Variants in TMTC1 observed in about 807,000 individuals in gnomAD.
TMTC1 encodes protein O-mannosyl-transferase TMTC1.
TMTC1 carries 73 observed loss-of-function variants against 104.8 expected under a neutral mutation model. That is an observed-to-expected ratio of 0.70 (90% confidence interval 0.58 to 0.85). The LOEUF is 0.85. Among genes scored for constraint, TMTC1 ranks in the 40% least tolerant of loss-of-function variants. The pLI is 0.00. For synonymous variants in TMTC1, 434 were observed against 428.7 expected (o/e 1.01, Z -0.15); for missense variants, 1,035 against 1,096.1 (o/e 0.94, Z 0.79).
chr12:29,509,598 A>AAT (rs1419028010), intron 17 of TMTC1, among the ~76,000 whole-genome samples: 2 of 152,210 alleles, frequency 1.3e-5, no homozygotes, highest in African/African-American at 4.8e-5. Flanking sequence ...TCTGCATTCT[A>AAT]ATAGTGGCAT....
intron 2 of TMTC1, 129 bp from the exon 3 acceptor site, chr12:29,758,906 GTTC>G (rs1359941077): frequency 1.5e-5 from 11 of 750,436 alleles, no homozygotes; most frequent in African/African-American, 1.8e-5. Flanking sequence ...AAATCTCACT[GTTC>G]TTCAAGTTCT....
Position 29,755,843 on chromosome 12 carries a change from C to CGTGGAAGG in TMTC1, c.589_596dup (p.Val200LeufsTer22). On this transcript the variant is annotated frameshift_variant, in exon 4 of 18. Transcript: ENST00000539277. LOFTEE classifies it high-confidence loss of function. ...TGAGCAGCAAGAAGAAGGGAGACAC[C>CGTGGAAGG]GTGGAAGGGAAACTTCCCCCAACAC... The CGTGGAAGG allele has an allele frequency of 6.2e-7, 1 of 1,614,098 alleles. No homozygotes were observed. The highest frequency in any genetic ancestry group is 8.5e-7 in the Non-Finnish European group (1 of 1,180,000).
chr12:29,656,137 CAGTCCACTTTA>C (rs1246515224), intron 5 of TMTC1, among the ~76,000 whole-genome samples: 2 of 152,020 alleles, frequency 1.3e-5, no homozygotes, highest in Non-Finnish European at 2.9e-5. Flanking sequence ...CAGACCAAGA[CAGTCCACTTTA>C]AGAATCACCA....
intron 5 of TMTC1, chr12:29,659,809 C>G: frequency 8.5e-7 from 1 of 1,174,288 alleles, no homozygotes; most frequent in Admixed American, 2.4e-5. Context: ...TATGCAAAGT[C>G]AGCCTGTAAT....
At chr12:29,640,341 G>A (rs541578184) in intron 5 of TMTC1, among the ~76,000 whole-genome samples, 1 of 152,258 alleles carries the variant, frequency 6.6e-6, no homozygotes, top group East Asian at 1.9e-4. Context: ...AGCAGCGAGG[G>A]GGGGCTCACA....
chr12:29,595,581 G>C (rs141203366), intron 7 of TMTC1, among the ~76,000 whole-genome samples: 92 of 152,306 alleles, frequency 6.0e-4, no homozygotes, highest in Middle Eastern at 3.4e-3. Flanking sequence ...CTCAAGAGCA[G>C]CTCTCTCTGG....
chr12:29,576,340 G>A (rs1592258872), intron 8 of TMTC1, among the ~76,000 whole-genome samples: 1 of 152,218 alleles, frequency 6.6e-6, no homozygotes, highest in Non-Finnish European at 1.5e-5. Context: ...CAATGTCAAG[G>A]AGCTTTCCCC....
chr12:29,727,047 G>C (rs1942412373), intron 5 of TMTC1, among the ~76,000 whole-genome samples: 1 of 152,154 alleles, frequency 6.6e-6, no homozygotes, highest in South Asian at 2.1e-4. Context: ...AACTTCAAAT[G>C]CAATTATTAA....
intron 9 of TMTC1, among the ~76,000 whole-genome samples, chr12:29,570,132 A>C (rs1945626755): frequency 6.6e-6 from 1 of 151,812 alleles, no homozygotes; most frequent in African/African-American, 2.4e-5. Context: ...AGGCAAACTT[A>C]CTGCCCTTTT....
chr12:29,688,404 C>A (rs1941162631), intron 5 of TMTC1, among the ~76,000 whole-genome samples: 1 of 152,188 alleles, frequency 6.6e-6, no homozygotes, highest in East Asian at 1.9e-4. Flanking sequence ...TAATTTGGAT[C>A]CTATGCAACT....
intron 5 of TMTC1, among the ~76,000 whole-genome samples, chr12:29,651,902 C>CA (rs34170602): frequency 0.24 from 34,901 of 142,996 alleles, 3,983 homozygotes; most frequent in Middle Eastern, 0.3. Flanking sequence ...AAAACTTGCC[C>CA]AAAAAAAAAA....
intron 5 of TMTC1, among the ~76,000 whole-genome samples, chr12:29,693,872 A>G (rs1444514407): frequency 6.6e-6 from 1 of 152,198 alleles, no homozygotes; most frequent in Non-Finnish European, 1.5e-5. Context: ...AGATGTTATA[A>G]TTTAGTTCTC....
intron 5 of TMTC1, chr12:29,660,867 G>T: frequency 1.3e-6 from 2 of 1,502,498 alleles, no homozygotes; most frequent in South Asian, 1.3e-5. Flanking sequence ...AATTTCTATT[G>T]CTGCTTGCTC....
chr12:29,627,357 G>T (rs1938054738), intron 6 of TMTC1, among the ~76,000 whole-genome samples: 1 of 152,186 alleles, frequency 6.6e-6, no homozygotes, highest in Admixed American at 6.5e-5. Flanking sequence ...ATGAAAGGAT[G>T]CTCAACTTCA....
At chr12:29,522,432 T>C (rs572212953) in intron 11 of TMTC1, among the ~76,000 whole-genome samples, 18 of 152,286 alleles carry the variant, frequency 1.2e-4, no homozygotes, top group Admixed American at 1.1e-3. Flanking sequence ...TGTTTTTTAA[T>C]TGCCAAACTC....
chr12:29,603,808 T>C (rs1946627367), intron 7 of TMTC1, among the ~76,000 whole-genome samples: 1 of 152,246 alleles, frequency 6.6e-6, no homozygotes, highest in Non-Finnish European at 1.5e-5. Context: ...ATCATGCTAC[T>C]GAACATAATA....
intron 5 of TMTC1, among the ~76,000 whole-genome samples, chr12:29,640,314 G>GCCCTTTTCTT (rs1938775697): frequency 6.6e-6 from 1 of 150,986 alleles, no homozygotes; most frequent in Admixed American, 6.6e-5. Flanking sequence ...GGCAGGAACA[G>GCCCTTTTCTT]ATGCAGCTGT....
rs1946041096 is a variant in TMTC1 at position 29,583,515 on chromosome 12, C to T, written c.1310G>A (p.Arg437Gln). Residue 437 changes from arginine (R) to glutamine (Q), a missense_variant, in exon 8 of 18, where the codon CGA becomes CAA. Physicochemically the swap from Arg to Gln is conservative, Grantham distance 43 (BLOSUM62 1). Coordinates refer to ENST00000539277, the MANE Select transcript of TMTC1 (RefSeq NM_001193451.2). ...CACAATCAGGGTGGTGGCCCCACAT[C>T]GATTCAGCCAAGTGCAGAGCTTGCT... is the stretch of plus-strand genomic sequence containing the variant. ...GLSKLCTWLN[R>Q]CGATTLIVST... is the part of the protein sequence containing the mutation. 3.1e-6 allele frequency: 5 copies of T among 1,613,818 alleles called. No homozygotes were observed. Among genetic ancestry groups the T allele is most frequent in the South Asian group, 1.1e-5 (1 of 91,080 alleles).
intron 5 of TMTC1, among the ~76,000 whole-genome samples, chr12:29,664,022 C>T (rs541905006): frequency 6.6e-6 from 1 of 151,300 alleles, no homozygotes; most frequent in East Asian, 2.0e-4. Context: ...CCCGTCTCTA[C>T]TAAAAATACA....
Sources: allele counts gnomAD v4.1 joint callset (sites outside exome capture counted in the v4.1 genomes callset), GRCh38; gene constraint gnomAD v4.1.1; transcripts MANE v1.5; gene names NCBI Gene and HGNC (gene_info 2026-07-23, HGNC 2026-07-21).